MIPOL1: variants seen among roughly 807,000 people sequenced by gnomAD.
The protein encoded by MIPOL1 is mirror-image polydactyly 1, also known as mirror-image polydactyly gene 1 protein.
MIPOL1 carries 57 observed loss-of-function variants against 60.9 expected under a neutral mutation model. That is an observed-to-expected ratio of 0.94 (90% confidence interval 0.76 to 1.17). The LOEUF (loss-of-function observed/expected upper bound fraction) is 1.17. Among genes scored for constraint, MIPOL1 ranks in the 50% most tolerant of loss-of-function variants. MIPOL1 has a pLI of 0.00. For missense variants in MIPOL1, 551 were observed against 511.6 expected (o/e 1.08, Z -0.74); for synonymous variants, 179 against 168.8 (o/e 1.06, Z -0.47).
At chr14:37,349,849 T>C (rs1324906257) in intron 9 of MIPOL1, among the ~76,000 whole-genome samples, 2 of 152,224 alleles carry the variant, frequency 1.3e-5, no homozygotes, top group African/African-American at 2.4e-5. Context: ...CGCAGCCATA[T>C]ACAGCTGCCT....
intron 10 of MIPOL1, among the ~76,000 whole-genome samples, chr14:37,411,175 T>C (rs1305581139): frequency 5.3e-5 from 8 of 152,142 alleles, no homozygotes; most frequent in Non-Finnish European, 1.5e-5. Context: ...TAACATCAAA[T>C]ACAATTTGAA....
chr14:37,309,266 G>A (rs1021699472), intron 9 of MIPOL1, among the ~76,000 whole-genome samples: 3 of 151,854 alleles, frequency 2.0e-5, no homozygotes, highest in African/African-American at 2.4e-5. Flanking sequence ...ACCACACCTG[G>A]CCTTGTTAGT....
chr14:37,385,622 A>G (rs2093044684), intron 10 of MIPOL1: 1 of 151,986 alleles, frequency 6.6e-6, no homozygotes, highest in African/African-American at 2.4e-5. Flanking sequence ...TGGTTCTTCT[A>G]TTTTATACAT....
intron 10 of MIPOL1, among the ~76,000 whole-genome samples, chr14:37,388,362 T>G (rs2093133378): frequency 6.6e-6 from 1 of 152,018 alleles, no homozygotes; most frequent in African/African-American, 2.4e-5. Flanking sequence ...TAGTATTTGC[T>G]TGTTTCAAGG....
chr14:37,219,362 A>G (rs960642168), intron 1 of MIPOL1, among the ~76,000 whole-genome samples: 2 of 152,078 alleles, frequency 1.3e-5, no homozygotes, highest in Admixed American at 1.3e-4. Flanking sequence ...GATCCTTTTT[A>G]TTTATTTTTT....
chr14:37,340,736 A>G (rs1324160718), intron 9 of MIPOL1, among the ~76,000 whole-genome samples: 1 of 151,886 alleles, frequency 6.6e-6, no homozygotes, highest in Non-Finnish European at 1.5e-5. Context: ...TTAATTTTTT[A>G]TTGAAGCAGA....
intron 9 of MIPOL1, among the ~76,000 whole-genome samples, chr14:37,355,260 TTCTGCTGAGAGATCTGCTGTTAG>T (rs1310868888): frequency 7.3e-6 from 1 of 137,080 alleles, no homozygotes; most frequent in Non-Finnish European, 1.6e-5. Flanking sequence ...CTTGTAGGGT[TTCTGCTGAGAGATCTGCTGTTAG>T]TCTGATGGGC....
chr14:37,239,622 G>A (rs912434829), intron 1 of MIPOL1, among the ~76,000 whole-genome samples: 2 of 152,084 alleles, frequency 1.3e-5, no homozygotes, highest in African/African-American at 4.8e-5. Flanking sequence ...AAGGAAATTT[G>A]TATGTATAGT....
At chr14:37,428,910 T>C (rs557246117) in intron 11 of MIPOL1, among the ~76,000 whole-genome samples, 2 of 152,158 alleles carry the variant, frequency 1.3e-5, no homozygotes, top group Non-Finnish European at 2.9e-5. Flanking sequence ...AACTTACCAC[T>C]GTAGCTGATA....
intron 10 of MIPOL1, among the ~76,000 whole-genome samples, chr14:37,386,454 A>G (rs1190399409): frequency 6.6e-6 from 1 of 152,020 alleles, no homozygotes; most frequent in Non-Finnish European, 1.5e-5. Context: ...TTTTGACAAT[A>G]AATTGATCTT....
rs139012626 is a variant in MIPOL1 at position 37,337,904 on chromosome 14, T to G, written c.828+29385T>G. On this transcript the variant is annotated intron_variant, in intron 9 of 12. Coordinates refer to ENST00000684589, the MANE Select transcript of MIPOL1 (RefSeq NM_001388067.1). ...TATTTTGATAAAATCCAATTTATTT[T>G]TTCTTCAGTCACTCAAAAGATAAGA... 5.1e-3 allele frequency among the ~76,000 whole-genome samples: 770 copies of G among 152,134 alleles called. 5 individuals are homozygous for G. The highest frequency in any genetic ancestry group is 0.017 in the African/African-American group (723 of 41,550).
chr14:37,331,080 G>T, intron 9 of MIPOL1, among the ~76,000 whole-genome samples: 1 of 151,942 alleles, frequency 6.6e-6, no homozygotes. Context: ...AGTCTATCCT[G>T]TGGTTCCATA....
intron 6 of MIPOL1, among the ~76,000 whole-genome samples, chr14:37,279,637 AAAT>A (rs2083941957): frequency 6.6e-6 from 1 of 152,088 alleles, no homozygotes; most frequent in African/African-American, 2.4e-5. Context: ...TTTAATTGAC[AAAT>A]AATAATCGTA....
At chr14:37,385,733 C>A (rs1595524213) in intron 10 of MIPOL1, 1 of 151,860 alleles carries the variant, frequency 6.6e-6, no homozygotes, top group Non-Finnish European at 1.5e-5. Context: ...AAAAAGATTT[C>A]TTCTCAGCCT....
chr14:37,321,242 A>C (rs780127096), intron 9 of MIPOL1, among the ~76,000 whole-genome samples: 4 of 151,970 alleles, frequency 2.6e-5, no homozygotes, highest in Non-Finnish European at 5.9e-5. Context: ...ACTGCTTTGC[A>C]TCCCATAAAT....
chr14:37,545,589 C>A, intron 12 of MIPOL1: 1 of 569,296 alleles, frequency 1.8e-6, no homozygotes, highest in South Asian at 2.2e-5. Context: ...ACTCTAAGAT[C>A]ATTACTGTGT....
At chr14:37,286,072 T>C (rs554635777) in intron 7 of MIPOL1, among the ~76,000 whole-genome samples, 2 of 152,334 alleles carry the variant, frequency 1.3e-5, no homozygotes, top group East Asian at 3.9e-4. Context: ...CTTCTCCTCA[T>C]TATCACTTTT....
intron 1 of MIPOL1, among the ~76,000 whole-genome samples, chr14:37,237,864 G>T (rs543286801): frequency 1.3e-5 from 2 of 152,124 alleles, no homozygotes; most frequent in Non-Finnish European, 2.9e-5. Context: ...CCATATTCTC[G>T]TGGACTGCTT....
rs373524606 is a variant in MIPOL1 at position 37,547,911 on chromosome 14, A to G, written c.*940A>G. 2.0e-5 allele frequency: 3 copies of G among 152,100 alleles called. No individual in the cohort carries two copies. The South Asian group carries it at 6.2e-4, about 31-fold the overall frequency. 9.4% of individuals were successfully genotyped at this position (152,100 alleles called of 1,614,324 possible). A position where few individuals can be genotyped will look rare whatever the true frequency, so the allele number is the denominator to read the frequency against. On this transcript the variant is annotated 3_prime_UTR_variant, in exon 13 of 13. Transcript: ENST00000684589. ...GTAGAAATATAAGAATTTAGAAAAA[A>G]GTAAACTTGCCATTTGGTTAAGGTT... is the stretch of plus-strand genomic sequence containing the variant.
Sources: allele counts gnomAD v4.1 joint callset (sites outside exome capture counted in the v4.1 genomes callset), GRCh38; gene constraint gnomAD v4.1.1; transcripts MANE v1.5; gene names NCBI Gene and HGNC (gene_info 2026-07-23, HGNC 2026-07-21).